STRN3: variants seen among roughly 807,000 people sequenced by gnomAD.
The protein encoded by STRN3 is striatin 3.
Under a neutral mutation model 95.6 loss-of-function variants are expected in STRN3, and 29 were observed. That is an observed-to-expected ratio of 0.30 (90% CI 0.23 to 0.41). The LOEUF is 0.41. Among genes scored for constraint, STRN3 ranks in the 10% least tolerant of loss-of-function variants. STRN3 has a pLI of 1.00. For synonymous variants in STRN3, 331 were observed against 357.6 expected (o/e 0.93, Z 0.84); for missense variants, 890 against 972.1 (o/e 0.92, Z 1.12).
chr14:31,003,865 T>C (rs1226043739), intron 1 of STRN3, among the ~76,000 whole-genome samples: 1 of 148,924 alleles, frequency 6.7e-6, no homozygotes, highest in Non-Finnish European at 1.5e-5. Context: ...AAAGCACTAG[T>C]TGGCTAGGAA....
chr14:30,895,768 G>A lies in STRN3; in HGVS notation c.2138-20C>T, dbSNP rs755391697. The stretch of plus-strand genomic sequence containing the variant: ...TTTTACCTAAACAAAACATAACAGA[G>A]AACTGATTAAGTTTTCACAAATACT... On this transcript the variant is annotated intron_variant, in intron 16 of 17. Coordinates refer to ENST00000357479, the MANE Select transcript of STRN3 (RefSeq NM_001083893.2). 2.5e-6 allele frequency: 4 copies of A among 1,591,692 alleles called. No individual in the cohort carries two copies. Among genetic ancestry groups the A allele is most frequent in the East Asian group, 4.5e-5 (2 of 44,738 alleles).
At chr14:30,943,088 A>T (rs1388009114) in intron 5 of STRN3, among the ~76,000 whole-genome samples, 1 of 152,218 alleles carries the variant, frequency 6.6e-6, no homozygotes, top group Non-Finnish European at 1.5e-5. Context: ...TTGGACATTA[A>T]GACTGCTTCT....
chr14:31,012,379 C>A (rs975236342), intron 1 of STRN3, among the ~76,000 whole-genome samples: 2 of 152,174 alleles, frequency 1.3e-5, no homozygotes, highest in South Asian at 4.1e-4. Context: ...AAGTGTCACA[C>A]AAAATTTTAA....
intron 5 of STRN3, among the ~76,000 whole-genome samples, chr14:30,937,144 A>C (rs1878862821): frequency 6.6e-6 from 1 of 151,820 alleles, no homozygotes; most frequent in Non-Finnish European, 1.5e-5. Flanking sequence ...ACACAGTGAA[A>C]CCCATCTTCA....
chr14:30,914,016 G>A (rs184036886), intron 9 of STRN3, among the ~76,000 whole-genome samples: 178 of 152,274 alleles, frequency 1.2e-3, no homozygotes, highest in African/African-American at 4.1e-3. Flanking sequence ...TTAAATATCA[G>A]ATTTTTGCAT....
chr14:31,008,975 G>T (rs962956530), intron 1 of STRN3, among the ~76,000 whole-genome samples: 1 of 151,754 alleles, frequency 6.6e-6, no homozygotes, highest in Non-Finnish European at 1.5e-5. Context: ...GGAGGTTTAG[G>T]TTGCAATGAG....
At chr14:30,920,628 T>C (rs1207884027) in intron 8 of STRN3, among the ~76,000 whole-genome samples, 1 of 152,120 alleles carries the variant, frequency 6.6e-6, no homozygotes, top group African/African-American at 2.4e-5. Context: ...TTTAAAGTAT[T>C]CTCCAAGTTT....
In STRN3 at chr14:30,906,887, A is replaced by C. The variant is rs1377434905; in HGVS notation, c.1878T>G (p.Asn626Lys). Residue 626 changes from asparagine to lysine, a missense_variant, in exon 14 of 18, where the codon AAT becomes AAG. By Grantham distance (94) the Asn-to-Lys change is moderately conservative. This residue lies in a region of STRN3 where 357 missense variants were observed against 422.8 expected (regional missense o/e 0.84). Coordinates refer to ENST00000357479, the MANE Select transcript of STRN3 (RefSeq NM_001083893.2). ...GCAAAATTTACTTACTTTTATCTCC[A>C]TTGTAAGTGCAAATACATGGCAATT... is the stretch of plus-strand genomic sequence containing the variant. ...QEKLPCICTYNGDKKHGIPTS... is the reference protein window; with the variant it reads ...QEKLPCICTYKGDKKHGIPTS... The C allele has an allele frequency of 6.2e-7, 1 of 1,609,464 alleles. No homozygotes were observed. Among genetic ancestry groups the C allele is most frequent in the East Asian group, 2.2e-5 (1 of 44,802 alleles).
intron 4 of STRN3, among the ~76,000 whole-genome samples, chr14:30,949,589 G>C (rs1182140778): frequency 6.6e-6 from 1 of 151,946 alleles, no homozygotes; most frequent in African/African-American, 2.4e-5. Flanking sequence ...CCAGCTAAGG[G>C]AGGAGAATCT....
At chr14:31,024,179 G>A (rs1883658893) in intron 1 of STRN3, among the ~76,000 whole-genome samples, 1 of 152,156 alleles carries the variant, frequency 6.6e-6, no homozygotes, top group Non-Finnish European at 1.5e-5. Context: ...GGTGAAAAAT[G>A]CAATTGCTAA....
intron 1 of STRN3, among the ~76,000 whole-genome samples, chr14:30,972,979 TG>T (rs1486438998): frequency 1.3e-5 from 2 of 152,032 alleles, no homozygotes; most frequent in Non-Finnish European, 2.9e-5. Context: ...GAAGACAAGG[TG>T]AGTGGATCAC....
intron 14 of STRN3, 150 bp from the exon 15 acceptor site, chr14:30,905,708 G>C: frequency 1.3e-6 from 1 of 772,150 alleles, no homozygotes; most frequent in Non-Finnish European, 2.0e-6. Flanking sequence ...ACTGTGTCAG[G>C]ATGGTGAGAT....
rs187777232 is a variant in STRN3, at chr14:31,016,076, G to C, written c.282+9828C>G. ...ACTACAACTCCAAAAGCTGAAAGGGGAGCAATAATAATTCTCACTCATTAC... is the reference window on the plus strand; with the variant it reads ...ACTACAACTCCAAAAGCTGAAAGGGCAGCAATAATAATTCTCACTCATTAC... On this transcript the variant is annotated intron_variant, in intron 1 of 17. Coordinates refer to ENST00000357479, the MANE Select transcript of STRN3 (RefSeq NM_001083893.2). Among the ~76,000 whole-genome samples, 146 of 152,296 alleles carry C rather than the reference G, an allele frequency of 9.6e-4. 1 individual carries two copies. The highest frequency in any genetic ancestry group is 5.6e-3 in the Admixed American group (86 of 15,298).
At chr14:30,968,216 A>G (rs965223403) in intron 1 of STRN3, among the ~76,000 whole-genome samples, 1 of 152,040 alleles carries the variant, frequency 6.6e-6, no homozygotes, top group Non-Finnish European at 1.5e-5. Context: ...CCTAACTTCT[A>G]ATCTTATGGC....
chr14:30,931,866 C>CTAATA (rs1878552921), intron 7 of STRN3: 1 of 152,118 alleles, frequency 6.6e-6, no homozygotes, highest in Non-Finnish European at 1.5e-5. Context: ...TTGTTGATTG[C>CTAATA]TAATAGACAA....
intron 1 of STRN3, among the ~76,000 whole-genome samples, chr14:30,960,847 C>A (rs1880161398): frequency 7.6e-6 from 1 of 132,288 alleles, no homozygotes; most frequent in Non-Finnish European, 1.5e-5. Flanking sequence ...TCAGCCTGGG[C>A]CACAGAGTGA....
intron 4 of STRN3, among the ~76,000 whole-genome samples, chr14:30,948,573 A>C (rs1302870402): frequency 6.6e-6 from 1 of 152,216 alleles, no homozygotes; most frequent in Non-Finnish European, 1.5e-5. Flanking sequence ...GGAATAGTTA[A>C]TGTCAAATTT....
At chr14:31,005,295 G>A (rs1234107445) in intron 1 of STRN3, among the ~76,000 whole-genome samples, 1 of 152,170 alleles carries the variant, frequency 6.6e-6, no homozygotes, top group Non-Finnish European at 1.5e-5. Flanking sequence ...TCACGCCACT[G>A]CACTCCAGCC....
At chr14:30,968,549 G>A (rs1195725494) in intron 1 of STRN3, among the ~76,000 whole-genome samples, 8 of 151,796 alleles carry the variant, frequency 5.3e-5, no homozygotes, top group Non-Finnish European at 1.2e-4. Context: ...GCATGGTGGC[G>A]GGTGCCTGTA....
Sources: allele counts gnomAD v4.1 joint callset (sites outside exome capture counted in the v4.1 genomes callset), GRCh38; gene constraint gnomAD v4.1.1; regional missense constraint gnomAD v4.1.1; transcripts MANE v1.5; gene names NCBI Gene and HGNC (gene_info 2026-07-23, HGNC 2026-07-21).